POLGARF: variants seen among roughly 807,000 people sequenced by gnomAD.
POLGARF encodes the protein POLG alternative reading frame.
At chr15:89,333,034 GA>G in the POLGARF span, 1 of 1,491,678 alleles carries the variant, frequency 6.7e-7, no homozygotes, top group Non-Finnish European at 8.9e-7. Context: ...AATGTTCACT[GA>G]AACAAACTAT....
At chr15:89,333,265 G>C in the POLGARF span, 2 of 1,561,364 alleles carry the variant, frequency 1.3e-6, no homozygotes, top group Non-Finnish European at 1.7e-6. Flanking sequence ...GGGGGCTTCG[G>C]GGGCAGCTGG....
the POLGARF span, among the ~76,000 whole-genome samples, chr15:89,330,920 A>G: frequency 6.6e-6 from 1 of 150,518 alleles, no homozygotes; most frequent in Non-Finnish European, 1.5e-5. Flanking sequence ...TGGGAGGGAT[A>G]GGGGATGAGT....
the POLGARF span, chr15:89,333,211 C>G: frequency 2.5e-6 from 4 of 1,577,378 alleles, no homozygotes; most frequent in African/African-American, 4.1e-5. Flanking sequence ...ACGGCCTCCC[C>G]CTCGGGGCCG....
chr15:89,330,503 T>C, the POLGARF span, among the ~76,000 whole-genome samples: 3 of 152,136 alleles, frequency 2.0e-5, no homozygotes, highest in African/African-American at 2.4e-5. Flanking sequence ...CTTCTGCACA[T>C]AAAAATGGAA....
the POLGARF span, chr15:89,333,661 CG>C: frequency 6.4e-7 from 1 of 1,567,196 alleles, no homozygotes. Flanking sequence ...GGGTCGGACG[CG>C]GGGACGGAGC....
the POLGARF span, chr15:89,333,734 C>G: frequency 1.3e-6 from 2 of 1,535,630 alleles, no homozygotes; most frequent in Non-Finnish European, 1.7e-6. Context: ...CGGCCACCTT[C>G]CTCCAGAGCA....
the POLGARF span, among the ~76,000 whole-genome samples, chr15:89,332,707 G>A: frequency 6.6e-6 from 1 of 152,034 alleles, no homozygotes; most frequent in Non-Finnish European, 1.5e-5. Context: ...GCTTTCTACC[G>A]CCCAAAATAA....
the POLGARF span, chr15:89,332,984 C>T: frequency 2.1e-6 from 3 of 1,401,274 alleles, no homozygotes; most frequent in Non-Finnish European, 2.9e-6. Context: ...CACATCAGCG[C>T]TCCCTACGTG....
the POLGARF span, chr15:89,333,157 C>G: frequency 1.9e-6 from 3 of 1,545,920 alleles, no homozygotes; most frequent in South Asian, 3.7e-5. Context: ...AAGCAGACCT[C>G]CACGTCGAAC....
chr15:89,333,516 G>A, the POLGARF span: 1 of 1,612,826 alleles, frequency 6.2e-7, no homozygotes, highest in Non-Finnish European at 8.5e-7. Flanking sequence ...CAGCCCTCTC[G>A]AGAGCATCTG....
chr15:89,331,258 C>G, the POLGARF span, among the ~76,000 whole-genome samples: 1 of 152,168 alleles, frequency 6.6e-6, no homozygotes, highest in African/African-American at 2.4e-5. Flanking sequence ...AACTCATACT[C>G]CAAATGGTGA....
the POLGARF span, chr15:89,332,993 T>G: frequency 5.6e-6 from 8 of 1,436,190 alleles, no homozygotes; most frequent in Non-Finnish European, 7.4e-6. Flanking sequence ...GCTCCCTACG[T>G]GAGCACCCAG....
At chr15:89,333,596 T>TTGCTGCTGCTGCTGCTGCTGCTGC in the POLGARF span, 3 of 1,598,020 alleles carry the variant, frequency 1.9e-6, no homozygotes, top group Non-Finnish European at 1.7e-6. Flanking sequence ...GAGGCTGCTG[T>TTGCTGCTGCTGCTGCTGCTGCTGC]TGCTGCTGCT....
chr15:89,332,026 T>C, the POLGARF span, among the ~76,000 whole-genome samples: 1 of 152,168 alleles, frequency 6.6e-6, no homozygotes, highest in African/African-American at 2.4e-5. Flanking sequence ...AAAAAACAAA[T>C]CTTTCTTGTC....
At chr15:89,330,326 C>G in the POLGARF span, 2 of 1,404,718 alleles carry the variant, frequency 1.4e-6, no homozygotes, top group South Asian at 2.4e-5. Context: ...ATTAAACTTC[C>G]ACTCCACAAC....
the POLGARF span, among the ~76,000 whole-genome samples, chr15:89,331,758 G>A: frequency 1.3e-5 from 2 of 152,086 alleles, no homozygotes; most frequent in African/African-American, 4.8e-5. Context: ...CGCTATTAGG[G>A]CACCATGTGG....
the POLGARF span, chr15:89,333,404 G>C: frequency 1.2e-6 from 2 of 1,602,316 alleles, no homozygotes; most frequent in Non-Finnish European, 1.7e-6. Context: ...GCAAGGGCAC[G>C]GCTGGCTGCC....
the POLGARF span, chr15:89,333,373 G>A: frequency 6.3e-7 from 1 of 1,578,250 alleles, no homozygotes; most frequent in Non-Finnish European, 8.6e-7. Flanking sequence ...TAGAGGGGCG[G>A]CAGGCGCAGC....
chr15:89,332,812 C>G, the POLGARF span, among the ~76,000 whole-genome samples: 71,674 of 151,946 alleles, frequency 0.47, 17,871 homozygotes, highest in African/African-American at 0.65. Context: ...ACCAAATCAC[C>G]GTGATCTTAA....
Sources: gnomAD v4.1 joint callset for allele counts (sites outside exome capture counted in the v4.1 genomes callset) on GRCh38, gnomAD v4.1.1 for gene constraint, MANE v1.5 for transcripts, NCBI Gene and HGNC (gene_info 2026-07-23, HGNC 2026-07-21) for gene names.